IGSF3: variants seen among roughly 807,000 people sequenced by gnomAD.
IGSF3 encodes the protein immunoglobulin superfamily member 3.
A neutral mutation model predicts 114.4 loss-of-function variants in IGSF3; 23 were observed. The ratio of observed to expected loss-of-function variants is 0.20; its 90% CI spans 0.14 to 0.28. The LOEUF (loss-of-function observed/expected upper bound fraction) is 0.28, where lower values mean the gene tolerates loss of function less well. Ranked by LOEUF, IGSF3 falls within the 10% of genes least tolerant of loss-of-function variation. The pLI, the probability that IGSF3 is intolerant of heterozygous loss-of-function variation, is 1.00. For missense variants in IGSF3, 1,172 were observed against 1,591.5 expected (o/e 0.74, Z 4.48); for synonymous variants, 571 against 645.2 (o/e 0.88, Z 1.74).
rs1253341060 is a variant in IGSF3, at chr1:116,627,928, C to G, written c.44-11471G>C. On this transcript the variant is annotated intron_variant, in intron 2 of 10. Coordinates refer to ENST00000369486, the MANE Select transcript of IGSF3 (RefSeq NM_001007237.3). The surrounding 1 kb of genome is among the most constrained non-coding windows in gnomAD (Gnocchi z 4.7). ...CCTACTCAGAGCAGCCCCTTCAGCT[C>G]TTCACCCTGGAAAGCACTCCGGTAC... Among the ~76,000 whole-genome samples the G allele has an allele frequency of 1.3e-5, 2 of 152,124 alleles. No homozygotes were observed. The highest frequency in any genetic ancestry group is 2.9e-5 in the Non-Finnish European group (2 of 68,026).
rs777741436 is a variant in IGSF3 at position 116,603,838 on chromosome 1, C to T, written c.1410G>A (p.Gln470=). The T allele has an allele frequency of 1.2e-6, 2 of 1,614,048 alleles. No homozygotes were observed. The highest frequency in any genetic ancestry group is 1.3e-5 in the African/African-American group (1 of 75,050). ...IMWLDRDGTV[Q]PGSSYWERSS... ...TGCGCTCCCAGTAGGACGAGCCTGGCTGCACGGTGCCATCCCGGTCTAGCC... is the reference window on the plus strand; with the variant it reads ...TGCGCTCCCAGTAGGACGAGCCTGGTTGCACGGTGCCATCCCGGTCTAGCC... Residue 470 remains glutamine, a synonymous_variant, in exon 6 of 11, where the codon CAG becomes CAA. Transcript: ENST00000369486. The surrounding 1 kb of genome is among the most constrained non-coding windows in gnomAD (Gnocchi z 7.1).
At chr1:116,641,710 A>G (rs1316750058) in intron 2 of IGSF3, among the ~76,000 whole-genome samples, 1 of 151,938 alleles carries the variant, frequency 6.6e-6, no homozygotes, top group Non-Finnish European at 1.5e-5. Context: ...GAAGACCAGG[A>G]AGGGAAGCCA....
rs3216634 is a variant in IGSF3 at position 116,624,085 on chromosome 1, TA to T, written c.44-7629del. 0.019 allele frequency among the ~76,000 whole-genome samples: 2,534 copies of T among 136,576 alleles called. 71 individuals are homozygous for T. Among genetic ancestry groups the T allele is most frequent in the African/African-American group, 0.066 (2,403 of 36,606 alleles). 89.6% of individuals were successfully genotyped at this position (136,576 alleles called of 152,430 possible). A position where few individuals can be genotyped will look rare whatever the true frequency, so the allele number is the denominator to read the frequency against. Reference sequence around the variant, plus strand: ...CTGGGCAACAGAGAAAGACTCTATCTAAAAAAAAAACAAAAAAAAGGTCCCT... The same window carrying T: ...CTGGGCAACAGAGAAAGACTCTATCTAAAAAAAAACAAAAAAAAGGTCCCT... On this transcript the variant is annotated intron_variant, in intron 2 of 10. Coordinates refer to ENST00000369486, the MANE Select transcript of IGSF3 (RefSeq NM_001007237.3). This position sits in a 1 kb window ranked among gnomAD's most constrained non-coding sequence, Gnocchi z 4.9.
Position 116,664,214 on chromosome 1 carries a change from G to A in IGSF3, c.43+2070C>T, listed in dbSNP as rs1214920113. Among the ~76,000 whole-genome samples the A allele has an allele frequency of 1.3e-5, 2 of 152,164 alleles. No homozygotes were observed. Among genetic ancestry groups the A allele is most frequent in the East Asian group, 1.9e-4 (1 of 5,200 alleles). On this transcript the variant is annotated intron_variant, in intron 2 of 10. Coordinates refer to ENST00000369486, the MANE Select transcript of IGSF3 (RefSeq NM_001007237.3). The surrounding 1 kb of genome is among the most constrained non-coding windows in gnomAD (Gnocchi z 4.6). ...AACCTTCCCACTTCAGCCTGCATCT[G>A]GATGTCTGCCACTGTGCCCCTTTAA...
chr1:116,666,187 A>T (rs1363372934), intron 2 of IGSF3, 97 bp downstream of exon 2: 1 of 1,205,950 alleles, frequency 8.3e-7, no homozygotes, highest in Non-Finnish European at 1.2e-6. Flanking sequence ...GTGTCCCCCA[A>T]ATCCTAGTGT....
In IGSF3 at chr1:116,663,575, G is replaced by A. The variant is rs138917122; in HGVS notation, c.43+2709C>T. On this transcript the variant is annotated intron_variant, in intron 2 of 10. Coordinates refer to ENST00000369486, the MANE Select transcript of IGSF3 (RefSeq NM_001007237.3). ...GGACAGAAGGAAACAACACACAGAG[G>A]TCAAGGGGGTAGGTACAAAGACAAA... 3.0e-3 allele frequency among the ~76,000 whole-genome samples: 453 copies of A among 152,002 alleles called. 2 individuals carry two copies. The highest frequency in any genetic ancestry group is 4.0e-3 in the Non-Finnish European group (270 of 67,966).
At position 116,613,859 on chromosome 1, in the gene IGSF3, G is replaced by A. The variant is rs777733228; in HGVS notation, c.738C>T (p.Cys246=). Residue 246 remains cysteine (C), a synonymous_variant, in exon 4 of 11, where the codon TGC becomes TGT. Transcript: ENST00000369486. ...LQPSDQGEFY[C]EAAEWIQDPD... ...GATCCTGGATCCACTCGGCGGCCTCGCAGTAGAATTCGCCCTGGTCAGAAG... is the reference window on the plus strand; with the variant it reads ...GATCCTGGATCCACTCGGCGGCCTCACAGTAGAATTCGCCCTGGTCAGAAG... The A allele has an allele frequency of 6.2e-6, 10 of 1,613,848 alleles. No homozygotes were observed. Among genetic ancestry groups the A allele is most frequent in the Admixed American group, 1.7e-5 (1 of 60,000 alleles).
chr1:116,581,765 G>A (rs141222024), intron 9 of IGSF3, among the ~76,000 whole-genome samples: 12 of 152,246 alleles, frequency 7.9e-5, no homozygotes, highest in East Asian at 1.9e-4. Flanking sequence ...GAATATGGCC[G>A]GGTGGGGACT....
In IGSF3 at chr1:116,592,642, C is replaced by T. The variant is rs190037018; in HGVS notation, c.2030-3538G>A. Among the ~76,000 whole-genome samples the T allele has an allele frequency of 1.2e-4, 19 of 152,264 alleles. No homozygotes were observed. Among genetic ancestry groups the T allele is most frequent in the Admixed American group, 8.5e-4 (13 of 15,302 alleles). The stretch of plus-strand genomic sequence containing the variant: ...TTTCTCAGCCAGCCTACCCTCCCTT[C>T]GGATTCCACTCTGTGCGTGCTCTTC... On this transcript the variant is annotated intron_variant, in intron 7 of 10. Coordinates refer to ENST00000369486, the MANE Select transcript of IGSF3 (RefSeq NM_001007237.3). This position sits in a 1 kb window ranked among gnomAD's most constrained non-coding sequence, Gnocchi z 4.5.
chr1:116,648,434 T>C lies in IGSF3; in HGVS notation c.43+17850A>G, dbSNP rs560485708. On this transcript the variant is annotated intron_variant, in intron 2 of 10. Coordinates refer to ENST00000369486, the MANE Select transcript of IGSF3 (RefSeq NM_001007237.3). The surrounding 1 kb of genome is among the most constrained non-coding windows in gnomAD (Gnocchi z 4.7). Reference sequence around the variant, plus strand: ...GCCTCTCAAATGCCTTTCCCACGTGTCTAACTCTGCTTTGTTTAAAGCACA... The same window carrying C: ...GCCTCTCAAATGCCTTTCCCACGTGCCTAACTCTGCTTTGTTTAAAGCACA... Among the ~76,000 whole-genome samples the C allele has an allele frequency of 1.3e-5, 2 of 152,226 alleles. No homozygotes were observed. The highest frequency in any genetic ancestry group is 4.2e-4 in the South Asian group (2 of 4,816).
At chr1:116,591,393 T>C (rs1292147096) in intron 7 of IGSF3, among the ~76,000 whole-genome samples, 2 of 152,178 alleles carry the variant, frequency 1.3e-5, no homozygotes, top group African/African-American at 2.4e-5. Flanking sequence ...AAATGTATTA[T>C]TAATTGGGGC....
At chr1:116,613,676 G>T in intron 4 of IGSF3, 89 bp downstream of exon 4, 1 of 1,241,586 alleles carries the variant, frequency 8.1e-7, no homozygotes, top group Non-Finnish European at 1.1e-6. Context: ...TGGTAGAGGT[G>T]CCCAAAGAAG....
chr1:116,599,882 T>C, intron 7 of IGSF3, 59 bp downstream of exon 7: 10 of 1,512,370 alleles, frequency 6.6e-6, no homozygotes, highest in Non-Finnish European at 9.0e-6. Context: ...CACCTTTCTT[T>C]TTCCCTCACG....
In IGSF3 at chr1:116,616,586, T is replaced by C; in HGVS notation, c.44-129A>G. The C allele has an allele frequency of 1.4e-6, 1 of 692,390 alleles. No homozygotes were observed. Among genetic ancestry groups the C allele is most frequent in the Non-Finnish European group, 2.4e-6 (1 of 424,616 alleles). The allele number at this position is 692,390 out of a possible 1,614,324, so 42.9% of individuals were successfully genotyped here. Reference sequence around the variant, plus strand: ...ATAATATAAACAGCTTACTGGCCCTTTCAAAGGCGCTTTGTGATTTATAAA... The same window carrying C: ...ATAATATAAACAGCTTACTGGCCCTCTCAAAGGCGCTTTGTGATTTATAAA... On this transcript the variant is annotated intron_variant, in intron 2 of 10. Transcript: ENST00000369486. This position sits in a 1 kb window ranked among gnomAD's most constrained non-coding sequence, Gnocchi z 6.6.
rs1404795304 is a variant in IGSF3 at position 116,576,448 on chromosome 1, C to T, written c.*864G>A. On this transcript the variant is annotated 3_prime_UTR_variant, in exon 11 of 11. Transcript: ENST00000369486. The surrounding 1 kb of genome is among the most constrained non-coding windows in gnomAD (Gnocchi z 4.6). ...TTCCTTCTCTAGTCACTGGCTTTGACAAATCTGCAGGTCAGCAGCTGCTAA... is the reference window on the plus strand; with the variant it reads ...TTCCTTCTCTAGTCACTGGCTTTGATAAATCTGCAGGTCAGCAGCTGCTAA... The T allele has an allele frequency of 6.5e-6, 1 of 152,700 alleles. No individual in the cohort carries two copies. The highest frequency in any genetic ancestry group is 1.9e-4 in the East Asian group (1 of 5,204). 9.5% of individuals were successfully genotyped at this position (152,700 alleles called of 1,614,324 possible).
Position 116,638,332 on chromosome 1 carries a change from A to T in IGSF3, c.44-21875T>A, listed in dbSNP as rs1647928353. The stretch of plus-strand genomic sequence containing the variant: ...ATTTTAAAGGTCTTCAGCATATTTT[A>T]AAATTAGTCTCCTACTGCTACTCTT... On this transcript the variant is annotated intron_variant, in intron 2 of 10. Coordinates refer to ENST00000369486, the MANE Select transcript of IGSF3 (RefSeq NM_001007237.3). This position sits in a 1 kb window ranked among gnomAD's most constrained non-coding sequence, Gnocchi z 4.1. Among the ~76,000 whole-genome samples, 1 of 152,184 alleles carries T rather than the reference A, an allele frequency of 6.6e-6. No individual in the cohort carries two copies. The highest frequency in any genetic ancestry group is 1.5e-5 in the Non-Finnish European group (1 of 68,036).
chr1:116,624,465 T>C lies in IGSF3; in HGVS notation c.44-8008A>G, dbSNP rs1310318760. ...ATGAGTTGCTACATTTAAAACTTAA[T>C]TCCTGGCACACAATAAGTGCTCAAT... On this transcript the variant is annotated intron_variant, in intron 2 of 10. Coordinates refer to ENST00000369486, the MANE Select transcript of IGSF3 (RefSeq NM_001007237.3). This position sits in a 1 kb window ranked among gnomAD's most constrained non-coding sequence, Gnocchi z 4.9. Among the ~76,000 whole-genome samples the C allele has an allele frequency of 6.6e-6, 1 of 152,232 alleles. No homozygotes were observed. The highest frequency in any genetic ancestry group is 1.5e-5 in the Non-Finnish European group (1 of 68,040).
rs1294636272 is a variant in IGSF3 at position 116,642,748 on chromosome 1, C to T, written c.43+23536G>A. The stretch of plus-strand genomic sequence containing the variant: ...CCCTGGGATACCAGCTCCTGGGATG[C>T]GCTGTAGTATCATCAATCACCGCTG... On this transcript the variant is annotated intron_variant, in intron 2 of 10. Coordinates refer to ENST00000369486, the MANE Select transcript of IGSF3 (RefSeq NM_001007237.3). This position sits in a 1 kb window ranked among gnomAD's most constrained non-coding sequence, Gnocchi z 5.4. 7.9e-5 allele frequency among the ~76,000 whole-genome samples: 12 copies of T among 152,232 alleles called. No homozygotes were observed. The East Asian group carries it at 1.2e-3, about 15-fold the overall frequency.
Position 116,583,029 on chromosome 1 carries a change from T to A in IGSF3, c.2848+1616A>T, listed in dbSNP as rs1659665910. 6.6e-6 allele frequency among the ~76,000 whole-genome samples: 1 copy of A among 152,158 alleles called. No homozygotes were observed. Among genetic ancestry groups the A allele is most frequent in the African/African-American group, 2.4e-5 (1 of 41,424 alleles). On this transcript the variant is annotated intron_variant, in intron 9 of 10. Coordinates refer to ENST00000369486, the MANE Select transcript of IGSF3 (RefSeq NM_001007237.3). The surrounding 1 kb of genome is among the most constrained non-coding windows in gnomAD (Gnocchi z 4.5). ...TCAGGTCCATGTTGGAAGCACACAG[T>A]GTGGCAGGAGGGAAGCCTGGGTGGT...
Sources: gnomAD v4.1 joint callset for allele counts (sites outside exome capture counted in the v4.1 genomes callset) on GRCh38, gnomAD v4.1.1 for gene constraint, Gnocchi (gnomAD v3.1) non-coding constraint, MANE v1.5 for transcripts, NCBI Gene and HGNC (gene_info 2026-07-23, HGNC 2026-07-21) for gene names.